Variants in ATP1B1 observed in about 807,000 individuals in gnomAD.
ATP1B1 encodes the protein ATPase Na+/K+ transporting subunit beta 1.
In ATP1B1, 3 loss-of-function variants were observed where a neutral mutation model predicts 39.6. The observed-to-expected ratio is 0.08, with a 90% CI of 0.03 to 0.20. ATP1B1 has a LOEUF of 0.20. ATP1B1 is among the 10% of genes least tolerant of loss of function. The probability of loss-of-function intolerance (pLI) is 1.00; values close to 1 mark genes in which losing one functional copy is unlikely to be tolerated. For synonymous variants in ATP1B1, 139 were observed against 135.0 expected (o/e 1.03, Z -0.20); for missense variants, 216 against 371.1 (o/e 0.58, Z 3.43).
intron 2 of ATP1B1, among the ~76,000 whole-genome samples, chr1:169,121,911 G>A (rs534678827): frequency 6.6e-6 from 1 of 152,136 alleles, no homozygotes; most frequent in Non-Finnish European, 1.5e-5. Context: ...TCCCCTGGCT[G>A]TGGGTCTTCC....
In ATP1B1 at chr1:169,132,031, T is replaced by TG. The variant is rs199593766; in HGVS notation, c.*476_*477insG. The stretch of plus-strand genomic sequence containing the variant: ...AACTGGCATGGTAATTTTTTTTTTT[T>TG]TTTTTTTTTTGTTTTTTGGCTCTTT... On this transcript the variant is annotated 3_prime_UTR_variant, in exon 6 of 6. Transcript: ENST00000367815. 0.13 allele frequency: 32,645 copies of TG among 257,980 alleles called. 1,480 individuals are homozygous for TG. The highest frequency in any genetic ancestry group is 0.21 in the Admixed American group (4,076 of 19,182). 16.0% of individuals were successfully genotyped at this position (257,980 alleles called of 1,614,324 possible). A position where few individuals can be genotyped will look rare whatever the true frequency, so the allele number is the denominator to read the frequency against.
chr1:169,125,157 C>T lies in ATP1B1; in HGVS notation c.382+118C>T, dbSNP rs112951922. 2.4e-4 allele frequency: 321 copies of T among 1,316,892 alleles called. No individual in the cohort carries two copies. In the African/African-American group the frequency reaches 4.1e-3, roughly 17 times the overall value. The allele number at this position is 1,316,892 out of a possible 1,614,324, so 81.6% of individuals were successfully genotyped here. On this transcript the variant is annotated intron_variant, in intron 3 of 5. Coordinates refer to ENST00000367815, the MANE Select transcript of ATP1B1 (RefSeq NM_001677.4). ...AATCCTGAAATAATGAAAGATTGAA[C>T]TCTGGCCATATTTAGACACTTTTTT...
chr1:169,117,214 A>AC (rs1319336605), intron 2 of ATP1B1, among the ~76,000 whole-genome samples: 2 of 151,856 alleles, frequency 1.3e-5, no homozygotes, highest in African/African-American at 4.8e-5. Context: ...CTCCCTTCCC[A>AC]CCCTCAAATG....
rs533063265 is a variant in ATP1B1, at chr1:169,126,320, G to T, written c.383-904G>T. On this transcript the variant is annotated intron_variant, in intron 3 of 5. Transcript: ENST00000367815. ...TTTGAAGGGAAAATAGTTCATTTGT[G>T]AATTTAAAAACTATACATAAATTAT... 3.3e-4 allele frequency among the ~76,000 whole-genome samples: 48 copies of T among 145,164 alleles called. 1 individual carries two copies. The highest frequency in any genetic ancestry group is 1.1e-3 in the African/African-American group (46 of 40,058).
At chr1:169,116,351 T>C (rs1369773852) in intron 2 of ATP1B1, among the ~76,000 whole-genome samples, 1 of 107,230 alleles carries the variant, frequency 9.3e-6, no homozygotes, top group Non-Finnish European at 2.0e-5. Flanking sequence ...TGTTCTCTCT[T>C]TTAAGGTTGT....
At chr1:169,111,242 C>G in intron 1 of ATP1B1, 128 bp from the exon 2 acceptor site, 1 of 1,307,276 alleles carries the variant, frequency 7.6e-7, no homozygotes, top group Admixed American at 2.0e-5. Context: ...GCACTCTTGA[C>G]GTTGGACAAG....
chr1:169,115,595 C>T (rs551571780), intron 2 of ATP1B1, among the ~76,000 whole-genome samples: 5 of 151,988 alleles, frequency 3.3e-5, no homozygotes, highest in African/African-American at 7.3e-5. Context: ...GTGATCCACC[C>T]GCCTCAGCCT....
Position 169,132,224 on chromosome 1 carries a change from T to G in ATP1B1, c.*669T>G. The G allele has an allele frequency of 3.0e-6, 2 of 665,674 alleles. No individual in the cohort carries two copies. Among genetic ancestry groups the G allele is most frequent in the Non-Finnish European group, 5.6e-6 (2 of 360,262 alleles). 41.2% of individuals were successfully genotyped at this position (665,674 alleles called of 1,614,324 possible). ...ACTACAGAAAAACACAAAAAGGTGA[T>G]GGGTTGTGTTATGCTTGTATTGAAT... On this transcript the variant is annotated 3_prime_UTR_variant, in exon 6 of 6. Coordinates refer to ENST00000367815, the MANE Select transcript of ATP1B1 (RefSeq NM_001677.4).
chr1:169,107,657 C>T (rs1486518445), intron 1 of ATP1B1, among the ~76,000 whole-genome samples: 1 of 152,102 alleles, frequency 6.6e-6, no homozygotes, highest in East Asian at 1.9e-4. Flanking sequence ...AAACGCAGAG[C>T]AGCTGATCTT....
intron 2 of ATP1B1, among the ~76,000 whole-genome samples, chr1:169,122,885 C>T (rs4656648): frequency 0.45 from 67,725 of 151,750 alleles, 16,348 homozygotes; most frequent in Non-Finnish European, 0.54. Context: ...GCCACTGCAC[C>T]TGGCCTGAAG....
chr1:169,127,324 A>G lies in ATP1B1; in HGVS notation c.483A>G (p.Gly161=). The change falls in exon 4 of 6, where the codon GGA becomes GGG. Residue 161 remains glycine (G), a synonymous_variant. Transcript: ENST00000367815. ...FKLEWLGNCS[G]LNDETYGYKE... is the part of the protein sequence containing the mutation. ...TTGAATGGCTGGGAAATTGCTCTGGATTAAATGATGAAACTTATGGCTACA... is the reference window on the plus strand; with the variant it reads ...TTGAATGGCTGGGAAATTGCTCTGGGTTAAATGATGAAACTTATGGCTACA... 1 of 1,612,558 alleles carries G rather than the reference A, an allele frequency of 6.2e-7. No individual in the cohort carries two copies. The highest frequency in any genetic ancestry group is 8.5e-7 in the Non-Finnish European group (1 of 1,179,552).
chr1:169,129,896 T>C, intron 4 of ATP1B1, 114 bp from the exon 5 acceptor site: 2 of 883,678 alleles, frequency 2.3e-6, no homozygotes, highest in South Asian at 3.9e-5. Context: ...TTTTGTTATT[T>C]TGGTTGACTT....
intron 1 of ATP1B1, among the ~76,000 whole-genome samples, chr1:169,109,817 A>C (rs2101772783): frequency 6.6e-6 from 1 of 152,206 alleles, no homozygotes; most frequent in Non-Finnish European, 1.5e-5. Flanking sequence ...GGGCTACGAT[A>C]GCTGCCTTGC....
At chr1:169,130,455 T>C (rs776008974) in intron 5 of ATP1B1, among the ~76,000 whole-genome samples, 1 of 152,044 alleles carries the variant, frequency 6.6e-6, no homozygotes. Flanking sequence ...AAAAAATTAA[T>C]GTCACATAAA....
In ATP1B1 at chr1:169,132,019, A is replaced by ATTTTTTTT. The variant is rs34447553; in HGVS notation, c.*479_*486dup. On this transcript the variant is annotated 3_prime_UTR_variant, in exon 6 of 6. Transcript: ENST00000367815. ...CAACGGGAATAAAACTGGCATGGTA[A>ATTTTTTTT]TTTTTTTTTTTTTTTTTTTTTTGTT... is the stretch of plus-strand genomic sequence containing the variant. The ATTTTTTTT allele has an allele frequency of 0.016, 2,988 of 189,436 alleles. 28 individuals are homozygous for ATTTTTTTT. Among genetic ancestry groups the ATTTTTTTT allele is most frequent in the Non-Finnish European group, 0.02 (1,992 of 101,242 alleles). The allele number at this position is 189,436 out of a possible 1,614,324, so 11.7% of individuals were successfully genotyped here. A position where few individuals can be genotyped will look rare whatever the true frequency, so the allele number is the denominator to read the frequency against.
At chr1:169,122,611 CT>C (rs1424401566) in intron 2 of ATP1B1, among the ~76,000 whole-genome samples, 6 of 152,000 alleles carry the variant, frequency 3.9e-5, no homozygotes, top group Non-Finnish European at 8.8e-5. Flanking sequence ...AAATTTTAAA[CT>C]GTAATCTGTG....
At chr1:169,114,212 A>C (rs746257408) in intron 2 of ATP1B1, among the ~76,000 whole-genome samples, 1 of 152,290 alleles carries the variant, frequency 6.6e-6, no homozygotes, top group Non-Finnish European at 1.5e-5. Flanking sequence ...TGTATTTTGC[A>C]TAGGAAATAA....
intron 2 of ATP1B1, among the ~76,000 whole-genome samples, chr1:169,116,276 A>G (rs1485901078): frequency 2.6e-5 from 4 of 152,318 alleles, no homozygotes; most frequent in East Asian, 1.9e-4. Flanking sequence ...CTGTGTGTCA[A>G]TCGGTGGGTC....
At chr1:169,122,770 T>TG (rs71121722) in intron 2 of ATP1B1, among the ~76,000 whole-genome samples, 1 of 101,284 alleles carries the variant, frequency 9.9e-6, no homozygotes, top group Non-Finnish European at 2.1e-5. Context: ...TTTTTTTTTT[T>TG]AATTGCGATA....
Sources: gnomAD v4.1 joint callset for allele counts (sites outside exome capture counted in the v4.1 genomes callset) on GRCh38, gnomAD v4.1.1 for gene constraint, MANE v1.5 for transcripts, NCBI Gene and HGNC (gene_info 2026-07-23, HGNC 2026-07-21) for gene names.